Variants in USP38 observed in about 807,000 individuals in gnomAD.
The protein encoded by USP38 is ubiquitin specific peptidase 38, also known as ubiquitin carboxyl-terminal hydrolase 38.
In USP38, 49 loss-of-function variants were observed where a neutral mutation model predicts 94.3. The ratio of observed to expected loss-of-function variants is 0.52; its 90% CI spans 0.41 to 0.66. The LOEUF (loss-of-function observed/expected upper bound fraction) is 0.66. Ranked by LOEUF, USP38 falls within the 30% of genes least tolerant of loss-of-function variation. The pLI, the probability that USP38 is intolerant of heterozygous loss-of-function variation, is 0.00. For synonymous variants in USP38, 468 were observed against 463.6 expected (o/e 1.01, Z -0.12); for missense variants, 1,128 against 1,229.4 (o/e 0.92, Z 1.23).
rs1250421100 is a variant in USP38 at position 143,221,673 on chromosome 4, A to G, written c.*1217A>G. The G allele has an allele frequency of 6.6e-6, 1 of 152,130 alleles. No individual in the cohort carries two copies. The highest frequency in any genetic ancestry group is 2.4e-5 in the African/African-American group (1 of 41,456). The allele number at this position is 152,130 out of a possible 1,614,324, so 9.4% of individuals were successfully genotyped here. ...CTGGTTCTTGATTATACAGTACTCA[A>G]GAGTTATCCCAGTTATCCCCCTTCC... On this transcript the variant is annotated 3_prime_UTR_variant, in exon 10 of 10. Transcript: ENST00000307017.
At chr4:143,197,376 C>T (rs1489644424) in intron 3 of USP38, among the ~76,000 whole-genome samples, 8 of 152,180 alleles carry the variant, frequency 5.3e-5, no homozygotes, top group Non-Finnish European at 1.2e-4. Flanking sequence ...ATAACACTAA[C>T]CACCATGTGT....
Position 143,220,352 on chromosome 4 carries a change from T to G in USP38, c.3025T>G (p.Phe1009Val). 1 of 1,613,486 alleles carries G rather than the reference T, an allele frequency of 6.2e-7. No individual in the cohort carries two copies. ...ALQAASASCS[F>V]RPNGFDDNDP... ...CCAAGCTGCATCTGCTTCATGTTCA[T>G]TTCGGCCCAATGGATTTGATGACAA... Residue 1009 changes from phenylalanine (F) to valine (V), a missense_variant, in exon 10 of 10, where the codon TTT (phenylalanine) becomes GTT (valine). Transcript: ENST00000307017.
intron 8 of USP38, among the ~76,000 whole-genome samples, chr4:143,212,784 T>A (rs1225203952): frequency 2.0e-5 from 3 of 152,162 alleles, no homozygotes; most frequent in Admixed American, 6.6e-5. Context: ...GATATGAGGC[T>A]CCAGCTGTCT....
intron 6 of USP38, among the ~76,000 whole-genome samples, chr4:143,207,328 A>G (rs955676491): frequency 3.9e-5 from 6 of 152,228 alleles, no homozygotes; most frequent in Non-Finnish European, 5.9e-5. Flanking sequence ...TCATGAGGTC[A>G]GGAATTTGAG....
rs541655917 is a variant in USP38 at position 143,200,927 on chromosome 4, A to G, written c.1051-2481A>G. Among the ~76,000 whole-genome samples, 4 of 152,312 alleles carry G rather than the reference A, an allele frequency of 2.6e-5. No homozygotes were observed. The South Asian group carries it at 6.2e-4, about 24-fold the overall frequency. On this transcript the variant is annotated intron_variant, in intron 4 of 9. Coordinates refer to ENST00000307017, the MANE Select transcript of USP38 (RefSeq NM_032557.6). ...CCATGCTTATGGATAGGAAGAATCA[A>G]TATCATTAAAATGGCCGTACTGCCC...
chr4:143,217,599 A>C lies in USP38; in HGVS notation c.2967+2656A>C, dbSNP rs143914265. ...ATATCAGGGTAGCTGCTTTCATTTT[A>C]ATACTTCATAATCAGATTAGAAACT... On this transcript the variant is annotated intron_variant, in intron 9 of 9. Coordinates refer to ENST00000307017, the MANE Select transcript of USP38 (RefSeq NM_032557.6). Among the ~76,000 whole-genome samples the C allele has an allele frequency of 5.5e-3, 839 of 152,304 alleles. 7 individuals are homozygous for C. The highest frequency in any genetic ancestry group is 0.018 in the African/African-American group (729 of 41,562).
chr4:143,188,804 CAG>C (rs1731307900), intron 2 of USP38, among the ~76,000 whole-genome samples: 1 of 152,078 alleles, frequency 6.6e-6, no homozygotes, highest in South Asian at 2.1e-4. Context: ...GGGAGGCAGA[CAG>C]TAATTTAATA....
intron 2 of USP38, among the ~76,000 whole-genome samples, chr4:143,192,398 A>C (rs1009399799): frequency 6.6e-6 from 1 of 152,068 alleles, no homozygotes; most frequent in African/African-American, 2.4e-5. Context: ...TTCTGACCTC[A>C]GGTGATCCAG....
At chr4:143,219,175 C>T (rs1330261453) in intron 9 of USP38, among the ~76,000 whole-genome samples, 1 of 151,968 alleles carries the variant, frequency 6.6e-6, no homozygotes, top group Non-Finnish European at 1.5e-5. Flanking sequence ...CATTTTGTTA[C>T]AAGGATTTAT....
intron 3 of USP38, among the ~76,000 whole-genome samples, chr4:143,196,363 A>G (rs1221597723): frequency 6.6e-6 from 1 of 152,200 alleles, no homozygotes; most frequent in Admixed American, 6.5e-5. Flanking sequence ...CAATATGAAA[A>G]CATTCTTTCC....
chr4:143,196,454 C>T (rs1731551850), intron 3 of USP38, among the ~76,000 whole-genome samples: 1 of 152,198 alleles, frequency 6.6e-6, no homozygotes, highest in South Asian at 2.1e-4. Flanking sequence ...TGTTGCTAAA[C>T]TCAAGAGTCA....
At chr4:143,220,186 T>A in intron 9 of USP38, 109 bp from the exon 10 acceptor site, 22 of 1,195,310 alleles carry the variant, frequency 1.8e-5, no homozygotes, top group Non-Finnish European at 2.4e-5. Context: ...TTATTGAGAT[T>A]TGAAGAATGT....
chr4:143,216,549 T>C (rs1159172569), intron 9 of USP38, among the ~76,000 whole-genome samples: 2 of 151,854 alleles, frequency 1.3e-5, no homozygotes, highest in African/African-American at 2.4e-5. Flanking sequence ...CATGGTTTAT[T>C]GTAGCTTTGA....
intron 2 of USP38, among the ~76,000 whole-genome samples, chr4:143,188,461 T>G (rs1346454536): frequency 1.3e-5 from 2 of 152,088 alleles, no homozygotes; most frequent in Non-Finnish European, 2.9e-5. Context: ...CTCTTAGCAT[T>G]TTAAAAATAA....
At position 143,188,072 on chromosome 4, in the gene USP38, A is replaced by G. The variant is rs1009584576; in HGVS notation, c.818+111A>G. 6.3e-6 allele frequency: 8 copies of G among 1,261,274 alleles called. No individual in the cohort carries two copies. In the African/African-American group the frequency reaches 9.1e-5, roughly 14 times the overall value. The allele number at this position is 1,261,274 out of a possible 1,614,324, so 78.1% of individuals were successfully genotyped here. ...GAATGTTTAAAACTAAAATCATGGA[A>G]TGACATATGTAAAGATTCTCCAAAT... On this transcript the variant is annotated intron_variant, in intron 2 of 9. Transcript: ENST00000307017.
chr4:143,200,878 GAC>G (rs1192584529), intron 4 of USP38, among the ~76,000 whole-genome samples: 1 of 152,052 alleles, frequency 6.6e-6, no homozygotes, highest in East Asian at 1.9e-4. Flanking sequence ...AAATCAAGAA[GAC>G]ACAAACAAAT....
At chr4:143,218,813 C>T (rs1051754700) in intron 9 of USP38, among the ~76,000 whole-genome samples, 7 of 151,932 alleles carry the variant, frequency 4.6e-5, no homozygotes, top group African/African-American at 1.5e-4. Context: ...TATCTGAAAC[C>T]GTGCATTGTT....
At chr4:143,191,553 C>T (rs1419474322) in intron 2 of USP38, among the ~76,000 whole-genome samples, 2 of 152,172 alleles carry the variant, frequency 1.3e-5, no homozygotes, top group East Asian at 1.9e-4. Flanking sequence ...CCATAAATTA[C>T]GATTAAACCA....
At chr4:143,190,578 A>G (rs1457705387) in intron 2 of USP38, among the ~76,000 whole-genome samples, 1 of 152,080 alleles carries the variant, frequency 6.6e-6, no homozygotes, top group Non-Finnish European at 1.5e-5. Context: ...TTAAATTGAC[A>G]ATAATTCTAG....
Sources: gnomAD v4.1 joint callset for allele counts (sites outside exome capture counted in the v4.1 genomes callset) on GRCh38, gnomAD v4.1.1 for gene constraint, MANE v1.5 for transcripts, NCBI Gene and HGNC (gene_info 2026-07-23, HGNC 2026-07-21) for gene names.